The following TSPAN14 variants were observed in gnomAD, a reference collection of about 807,000 sequenced individuals.
The protein encoded by TSPAN14 is tetraspanin-14.
In TSPAN14, 16 loss-of-function variants were observed where a neutral mutation model predicts 36.6. That is an observed-to-expected ratio of 0.44 (90% confidence interval 0.30 to 0.66). The LOEUF (loss-of-function observed/expected upper bound fraction) is 0.66, where lower values mean the gene tolerates loss of function less well. Ranked by LOEUF, TSPAN14 falls within the 30% of genes least tolerant of loss-of-function variation. The pLI, the probability that TSPAN14 is intolerant of heterozygous loss-of-function variation, is 0.12. For missense variants in TSPAN14, 231 were observed against 355.1 expected (o/e 0.65, Z 2.81); for synonymous variants, 139 against 143.8 (o/e 0.97, Z 0.24).
At chr10:80,501,780 A>C (rs559911962) in intron 2 of TSPAN14, among the ~76,000 whole-genome samples, 1 of 152,296 alleles carries the variant, frequency 6.6e-6, no homozygotes, top group East Asian at 1.9e-4. Flanking sequence ...CTTTGGATTG[A>C]ATCACACCCA....
chr10:80,461,057 G>A (rs542904653), intron 1 of TSPAN14, among the ~76,000 whole-genome samples: 56 of 152,224 alleles, frequency 3.7e-4, no homozygotes, highest in African/African-American at 1.2e-3. Flanking sequence ...GCTTCCTTCT[G>A]TCTGAGGCCT....
intron 1 of TSPAN14, among the ~76,000 whole-genome samples, chr10:80,486,513 G>A (rs1223742060): frequency 2.0e-5 from 3 of 152,222 alleles, no homozygotes; most frequent in African/African-American, 7.2e-5. Context: ...GGGGAAGTTT[G>A]GCTTTTCTTA....
At position 80,509,636 on chromosome 10, in the gene TSPAN14, C is replaced by A; in HGVS notation, c.450+165C>A. The A allele has an allele frequency of 2.8e-6, 2 of 716,312 alleles. No individual in the cohort carries two copies. Among genetic ancestry groups the A allele is most frequent in the Non-Finnish European group, 4.4e-6 (2 of 450,736 alleles). 44.4% of individuals were successfully genotyped at this position (716,312 alleles called of 1,614,324 possible). ...GCCACTCCACCTCTGGTCTGTTCCA[C>A]TTTGCCGGCTTGTGGTTGCCTGGTG... On this transcript the variant is annotated intron_variant, in intron 5 of 8. Coordinates refer to ENST00000429989, the Ensembl canonical transcript of TSPAN14. The surrounding 1 kb of genome is among the most constrained non-coding windows in gnomAD (Gnocchi z 4.7).
Position 80,482,135 on chromosome 10 carries a change from A to T in TSPAN14, c.-17-7082A>T, listed in dbSNP as rs145750819. Among the ~76,000 whole-genome samples, 665 of 152,310 alleles carry T rather than the reference A, an allele frequency of 4.4e-3. 8 individuals are homozygous for T. The highest frequency in any genetic ancestry group is 0.016 in the African/African-American group (648 of 41,562). Reference sequence around the variant, plus strand: ...TTGGAAGTGTCACCTAGAAAGGGAAAACCTGACTTAAGGGCTGGGATCTGC... The same window carrying T: ...TTGGAAGTGTCACCTAGAAAGGGAATACCTGACTTAAGGGCTGGGATCTGC... On this transcript the variant is annotated intron_variant, in intron 1 of 8. Transcript: ENST00000429989.
chr10:80,455,293 G>A (rs1845687114), intron 1 of TSPAN14, among the ~76,000 whole-genome samples: 1 of 152,162 alleles, frequency 6.6e-6, no homozygotes, highest in Non-Finnish European at 1.5e-5. Flanking sequence ...ACTGGCCTGG[G>A]GCTGGGCGCA....
In TSPAN14 at chr10:80,520,870, C is replaced by T. The variant is rs996043601; in HGVS notation, c.*2894C>T. 5.7e-6 allele frequency: 3 copies of T among 525,568 alleles called. No homozygotes were observed. In the African/African-American group the frequency reaches 5.8e-5, roughly 10 times the overall value. 32.6% of individuals were successfully genotyped at this position (525,568 alleles called of 1,614,324 possible). A position where few individuals can be genotyped will look rare whatever the true frequency, so the allele number is the denominator to read the frequency against. On this transcript the variant is annotated 3_prime_UTR_variant, in exon 9 of 9. Transcript: ENST00000429989. Reference sequence around the variant, plus strand: ...CTGAATGTCCTCTGCTTCTCTGCTTCAGAGGCCCAGGCTCGCCAGTTCTCT... The same window carrying T: ...CTGAATGTCCTCTGCTTCTCTGCTTTAGAGGCCCAGGCTCGCCAGTTCTCT...
intron 1 of TSPAN14, among the ~76,000 whole-genome samples, chr10:80,472,419 G>A (rs1846605009): frequency 6.6e-6 from 1 of 152,180 alleles, no homozygotes; most frequent in East Asian, 1.9e-4. Context: ...TATTGACAAT[G>A]ATCGCTTGCT....
chr10:80,457,435 CG>C (rs1845785352), intron 1 of TSPAN14, among the ~76,000 whole-genome samples: 4 of 152,084 alleles, frequency 2.6e-5, no homozygotes, highest in Admixed American at 2.6e-4. Flanking sequence ...GTGATCCGCC[CG>C]CCTCGGCCTC....
chr10:80,474,262 G>A (rs1050953874), intron 1 of TSPAN14, among the ~76,000 whole-genome samples: 5 of 152,106 alleles, frequency 3.3e-5, no homozygotes, highest in Non-Finnish European at 7.4e-5. Context: ...GAGGGAAGGA[G>A]AGATAGTAAG....
chr10:80,521,641 C>T (rs941535213), exon 9 of TSPAN14: 2 of 152,198 alleles, frequency 1.3e-5, no homozygotes, highest in African/African-American at 4.8e-5. Flanking sequence ...GGGAGCCATA[C>T]ACCTTTAGAG....
chr10:80,518,060 GGAGCCGACACCCCCA>G, exon 9 of TSPAN14: 1 of 1,393,048 alleles, frequency 7.2e-7, no homozygotes. Flanking sequence ...CAGAGGGAGA[GGAGCCGACACCCCCA>G]GAGCCAGTGC....
intron 2 of TSPAN14, among the ~76,000 whole-genome samples, chr10:80,500,619 G>A (rs572759016): frequency 1.7e-4 from 26 of 152,212 alleles, no homozygotes; most frequent in South Asian, 2.1e-4. Context: ...CCAAAGTGCC[G>A]AGATTTCAGG....
At chr10:80,488,463 T>C (rs1487385218) in intron 1 of TSPAN14, among the ~76,000 whole-genome samples, 1 of 151,884 alleles carries the variant, frequency 6.6e-6, no homozygotes, top group Non-Finnish European at 1.5e-5. Flanking sequence ...ACATAGGCTG[T>C]GTAATCCAAG....
chr10:80,491,859 A>G (rs1042134026), intron 2 of TSPAN14, among the ~76,000 whole-genome samples: 1 of 152,248 alleles, frequency 6.6e-6, no homozygotes, highest in African/African-American at 2.4e-5. Context: ...TGGTTGGGAA[A>G]TAAGAGTGGG....
intron 1 of TSPAN14, among the ~76,000 whole-genome samples, chr10:80,486,496 G>A (rs1300450441): frequency 6.6e-6 from 1 of 152,268 alleles, no homozygotes; most frequent in African/African-American, 2.4e-5. Flanking sequence ...TTTCATCAAG[G>A]AGGAAGGGGG....
chr10:80,489,224 T>C (rs1847791655), exon 2 of TSPAN14: 1 of 1,571,760 alleles, frequency 6.4e-7, no homozygotes, highest in Non-Finnish European at 8.7e-7. Flanking sequence ...CAGATTCTGC[T>C]TCTCAGAAGA....
intron 3 of TSPAN14, 87 bp downstream of exon 3, chr10:80,504,865 C>G (rs1027783237): frequency 3.7e-5 from 52 of 1,416,000 alleles, no homozygotes; most frequent in Non-Finnish European, 4.0e-5. Context: ...AATCTGTTCC[C>G]TGACAACAAG....
intron 7 of TSPAN14, 97 bp from the exon 8 acceptor site, chr10:80,516,107 C>T: frequency 6.3e-7 from 1 of 1,580,852 alleles, no homozygotes; most frequent in South Asian, 1.1e-5. Context: ...CTCGTTCCCA[C>T]CCTGCTTTGC....
rs528710702 is a variant in TSPAN14, at chr10:80,513,236, C to A, written c.577-783C>A. Among the ~76,000 whole-genome samples, 13 of 152,236 alleles carry A rather than the reference C, an allele frequency of 8.5e-5. No individual in the cohort carries two copies. The East Asian group carries it at 2.5e-3, about 29-fold the overall frequency. On this transcript the variant is annotated intron_variant, in intron 6 of 8. Coordinates refer to ENST00000429989, the Ensembl canonical transcript of TSPAN14. ...ACCTATTGGCATTCCCAATCCAAGGCCAACGTCCTTGGGTTCCAGAAGCTG... is the reference window on the plus strand; with the variant it reads ...ACCTATTGGCATTCCCAATCCAAGGACAACGTCCTTGGGTTCCAGAAGCTG...
Sources: allele counts gnomAD v4.1 joint callset (sites outside exome capture counted in the v4.1 genomes callset), GRCh38; gene constraint gnomAD v4.1.1; non-coding constraint Gnocchi (gnomAD v3.1); transcripts MANE v1.5; gene names NCBI Gene and HGNC (gene_info 2026-07-23, HGNC 2026-07-21).